Variants in INTS9 observed in about 807,000 individuals in gnomAD.
INTS9 encodes the protein integrator complex subunit 9, also known as protein related to CPSF subunits of 74 kDa.
A neutral mutation model predicts 79.7 loss-of-function variants in INTS9; 55 were observed. The observed-to-expected ratio is 0.69, with a 90% CI of 0.56 to 0.86. The LOEUF (loss-of-function observed/expected upper bound fraction) is 0.86. Ranked by LOEUF, INTS9 falls within the 40% of genes least tolerant of loss-of-function variation. The probability of loss-of-function intolerance (pLI) is 0.00; values close to 1 mark genes in which losing one functional copy is unlikely to be tolerated. For missense variants in INTS9, 721 were observed against 831.5 expected (o/e 0.87, Z 1.64); for synonymous variants, 319 against 325.2 (o/e 0.98, Z 0.20).
intron 3 of INTS9, 86 bp downstream of exon 3, chr8:28,850,127 T>G: frequency 1.0e-6 from 1 of 984,262 alleles, no homozygotes; most frequent in South Asian, 1.5e-5. Context: ...AAGCCATCAG[T>G]CACACTACTA....
At chr8:28,878,931 G>A (rs557504316) in intron 1 of INTS9, among the ~76,000 whole-genome samples, 62 of 151,056 alleles carry the variant, frequency 4.1e-4, no homozygotes, top group African/African-American at 1.5e-3. Context: ...AGTGAGCCAA[G>A]ATTGCCCACC....
intron 1 of INTS9, among the ~76,000 whole-genome samples, chr8:28,860,721 C>T (rs950600889): frequency 1.3e-5 from 2 of 152,172 alleles, no homozygotes; most frequent in African/African-American, 2.4e-5. Context: ...TCAAGTGATC[C>T]GCCCGCCTCC....
At chr8:28,790,098 G>T (rs891632631) in intron 10 of INTS9, among the ~76,000 whole-genome samples, 2 of 152,214 alleles carry the variant, frequency 1.3e-5, no homozygotes, top group Admixed American at 6.5e-5. Flanking sequence ...AGAAGCCAGA[G>T]CAGAACCCCT....
At chr8:28,820,130 T>C (rs1291982363) in intron 6 of INTS9, among the ~76,000 whole-genome samples, 3 of 152,204 alleles carry the variant, frequency 2.0e-5, no homozygotes, top group African/African-American at 4.8e-5. Context: ...TGTCTTTTAA[T>C]TGGAGCATTT....
At chr8:28,853,424 A>T (rs541559797) in intron 2 of INTS9, among the ~76,000 whole-genome samples, 1 of 151,996 alleles carries the variant, frequency 6.6e-6, no homozygotes, top group East Asian at 1.9e-4. Context: ...AAAAAAAAAA[A>T]AAAGAAAGAA....
In INTS9 at chr8:28,842,939, C is replaced by A. The variant is rs1585455644; in HGVS notation, c.261+3808G>T. On this transcript the variant is annotated intron_variant, in intron 4 of 16. Transcript: ENST00000521022. ...TGATGAGGCTCAAAGGTTCTTATGA[C>A]CTCCTGATCTAGAGGCTGAATTAGT... Among the ~76,000 whole-genome samples, 3 of 152,242 alleles carry A rather than the reference C, an allele frequency of 2.0e-5. 1 individual carries two copies. The South Asian group carries it at 6.2e-4, about 32-fold the overall frequency.
intron 11 of INTS9, among the ~76,000 whole-genome samples, chr8:28,783,142 C>CAAAAA (rs559306996): frequency 3.6e-5 from 4 of 111,716 alleles, no homozygotes; most frequent in African/African-American, 1.2e-4. Flanking sequence ...GACTCCGTCT[C>CAAAAA]AAAAAAAAAA....
At chr8:28,799,154 G>C (rs1310347559) in intron 8 of INTS9, among the ~76,000 whole-genome samples, 1 of 152,072 alleles carries the variant, frequency 6.6e-6, no homozygotes, top group Non-Finnish European at 1.5e-5. Context: ...TAATTAGCTA[G>C]GCGTGCTGGC....
chr8:28,820,178 A>T (rs1805744211), intron 6 of INTS9, among the ~76,000 whole-genome samples: 1 of 152,168 alleles, frequency 6.6e-6, no homozygotes, highest in South Asian at 2.1e-4. Context: ...GTTATATGTG[A>T]ATTTGATCCT....
intron 1 of INTS9, among the ~76,000 whole-genome samples, chr8:28,881,163 G>A (rs1185814628): frequency 4.1e-5 from 6 of 147,340 alleles, no homozygotes; most frequent in Non-Finnish European, 6.0e-5. Flanking sequence ...CGCCCCGTCC[G>A]GGAGGTGAGG....
intron 16 of INTS9, among the ~76,000 whole-genome samples, chr8:28,769,062 C>A (rs902039947): frequency 2.0e-5 from 3 of 152,176 alleles, no homozygotes. Flanking sequence ...CCTGCAAGGT[C>A]TTCAGGGAGG....
At chr8:28,806,093 G>A (rs1457046951) in intron 8 of INTS9, among the ~76,000 whole-genome samples, 3 of 152,064 alleles carry the variant, frequency 2.0e-5, no homozygotes, top group South Asian at 2.1e-4. Context: ...AGCCAGGCAC[G>A]GTGACATGTG....
intron 4 of INTS9, among the ~76,000 whole-genome samples, chr8:28,841,064 C>G (rs1025893112): frequency 6.6e-6 from 1 of 151,804 alleles, no homozygotes; most frequent in Non-Finnish European, 1.5e-5. Flanking sequence ...ACAAATAAAA[C>G]GAGTAACTTA....
intron 6 of INTS9, among the ~76,000 whole-genome samples, chr8:28,815,062 G>A (rs564276125): frequency 5.3e-5 from 8 of 152,152 alleles, no homozygotes; most frequent in Non-Finnish European, 1.2e-4. Flanking sequence ...GGCCTCAAGT[G>A]GGGGCAGAGG....
chr8:28,880,945 G>A (rs1319446129), intron 1 of INTS9, among the ~76,000 whole-genome samples: 1 of 149,034 alleles, frequency 6.7e-6, no homozygotes, highest in Non-Finnish European at 1.5e-5. Flanking sequence ...CTGCTGGGCC[G>A]CAACCCTGTC....
At chr8:28,860,639 G>C (rs760452663) in intron 1 of INTS9, among the ~76,000 whole-genome samples, 6 of 152,126 alleles carry the variant, frequency 3.9e-5, no homozygotes, top group Non-Finnish European at 5.9e-5. Context: ...ACCATGCCTG[G>C]CTGGTTGTTT....
chr8:28,793,110 G>T (rs1196072327), intron 10 of INTS9, among the ~76,000 whole-genome samples: 1 of 152,242 alleles, frequency 6.6e-6, no homozygotes, highest in African/African-American at 2.4e-5. Context: ...TAGAAACTCA[G>T]TACATGCTGT....
At chr8:28,868,881 CT>C (rs199893310) in intron 1 of INTS9, among the ~76,000 whole-genome samples, 1,727 of 152,184 alleles carry the variant, frequency 0.011, 31 homozygotes, top group African/African-American at 0.04. Context: ...GACGGATCAC[CT>C]CAGGCCAGGA....
chr8:28,768,026 T>A lies in INTS9; in HGVS notation c.*120A>T. 1 of 911,048 alleles carries A rather than the reference T, an allele frequency of 1.1e-6. No individual in the cohort carries two copies. The highest frequency in any genetic ancestry group is 1.5e-5 in the South Asian group (1 of 67,826). The allele number at this position is 911,048 out of a possible 1,614,324, so 56.4% of individuals were successfully genotyped here. A position where few individuals can be genotyped will look rare whatever the true frequency, so the allele number is the denominator to read the frequency against. ...CCCTCAAGAGCCACCTCTTCACTCCTTAAGCCAGAGGACACCACAAAGACA... is the reference window on the plus strand; with the variant it reads ...CCCTCAAGAGCCACCTCTTCACTCCATAAGCCAGAGGACACCACAAAGACA... On this transcript the variant is annotated 3_prime_UTR_variant, in exon 17 of 17. Transcript: ENST00000521022.
Sources: gnomAD v4.1 joint callset for allele counts (sites outside exome capture counted in the v4.1 genomes callset) on GRCh38, gnomAD v4.1.1 for gene constraint, MANE v1.5 for transcripts, NCBI Gene and HGNC (gene_info 2026-07-23, HGNC 2026-07-21) for gene names.